Variants in ASXL2 observed in about 807,000 individuals in gnomAD.
The protein encoded by ASXL2 is ASXL transcriptional regulator 2, also known as putative Polycomb group protein ASXL2.
ASXL2 carries 23 observed loss-of-function variants against 122.0 expected under a neutral mutation model. That is an observed-to-expected ratio of 0.19 (90% CI 0.14 to 0.27). The LOEUF (loss-of-function observed/expected upper bound fraction) is 0.27, where lower values mean the gene tolerates loss of function less well. Ranked by LOEUF, ASXL2 falls within the 10% of genes least tolerant of loss-of-function variation. The pLI is 1.00. For missense variants in ASXL2, 1,518 were observed against 1,713.8 expected (o/e 0.89, Z 2.02); for synonymous variants, 650 against 637.0 (o/e 1.02, Z -0.31).
chr2:25,821,212 C>G (rs2089305384), intron 3 of ASXL2, among the ~76,000 whole-genome samples: 1 of 151,748 alleles, frequency 6.6e-6, no homozygotes, highest in African/African-American at 2.4e-5. Flanking sequence ...AAATAAATAG[C>G]CAGGTGTGGT....
rs896325810 is a variant in ASXL2 at position 25,737,309 on chromosome 2, G to A, written c.*4720C>T. 6.6e-6 allele frequency: 1 copy of A among 151,966 alleles called. No individual in the cohort carries two copies. The highest frequency in any genetic ancestry group is 2.4e-5 in the African/African-American group (1 of 41,392). 9.4% of individuals were successfully genotyped at this position (151,966 alleles called of 1,614,324 possible). A position where few individuals can be genotyped will look rare whatever the true frequency, so the allele number is the denominator to read the frequency against. The stretch of plus-strand genomic sequence containing the variant: ...GGTGGCAGTAAATGTCAACCACTGT[G>A]GAGAAAGGAAAACCTATTTTTTCCC... On this transcript the variant is annotated 3_prime_UTR_variant, in exon 13 of 13. Coordinates refer to ENST00000435504, the MANE Select transcript of ASXL2 (RefSeq NM_018263.6).
In ASXL2 at chr2:25,744,857, G is replaced by A. The variant is rs2087913846; in HGVS notation, c.1861-381C>T. 6.6e-6 allele frequency among the ~76,000 whole-genome samples: 1 copy of A among 151,910 alleles called. No homozygotes were observed. The highest frequency in any genetic ancestry group is 1.5e-5 in the Non-Finnish European group (1 of 68,008). ...AAAGAAGAGAAAAGCAAGCAAGCCA[G>A]CCACCCATACCACTACTGTCTTTTA... is the stretch of plus-strand genomic sequence containing the variant. On this transcript the variant is annotated intron_variant, in intron 12 of 12. Transcript: ENST00000435504. The surrounding 1 kb of genome is among the most constrained non-coding windows in gnomAD (Gnocchi z 4.7).
intron 3 of ASXL2, among the ~76,000 whole-genome samples, chr2:25,811,551 G>A (rs576072711): frequency 2.4e-4 from 37 of 151,888 alleles, no homozygotes; most frequent in Non-Finnish European, 5.3e-4. Flanking sequence ...GTGAACAAAT[G>A]ATTCATAAAC....
At chr2:25,844,541 A>C (rs1574444880) in intron 2 of ASXL2, among the ~76,000 whole-genome samples, 1 of 151,438 alleles carries the variant, frequency 6.6e-6, no homozygotes, top group African/African-American at 2.4e-5. Context: ...GTGCCACTGC[A>C]CTCCAGCCTG....
At chr2:25,839,888 C>CTT (rs61637569) in intron 2 of ASXL2, among the ~76,000 whole-genome samples, 244 of 136,484 alleles carry the variant, frequency 1.8e-3, no homozygotes, top group African/African-American at 5.9e-3. Flanking sequence ...ACCATGTTTT[C>CTT]TTTTTTTTTT....
chr2:25,781,959 C>CTTTTTTT lies in ASXL2; in HGVS notation c.404-10420_404-10419insAAAAAAA, dbSNP rs1327580113. 6.1e-3 allele frequency among the ~76,000 whole-genome samples: 540 copies of CTTTTTTT among 88,326 alleles called. 116 individuals are homozygous for CTTTTTTT. Among genetic ancestry groups the CTTTTTTT allele is most frequent in the Middle Eastern group, 0.016 (2 of 124 alleles). The allele number at this position is 88,326 out of a possible 152,430, so 57.9% of individuals were successfully genotyped here. On this transcript the variant is annotated intron_variant, in intron 5 of 12. Coordinates refer to ENST00000435504, the MANE Select transcript of ASXL2 (RefSeq NM_018263.6). ...TAACAGGCGTGAGCCACCGCCCGGG[C>CTTTTTTT]TTTTTTCTTTTTTTTTTTTTTTTTT...
At chr2:25,826,290 T>A (rs1292538795) in intron 3 of ASXL2, among the ~76,000 whole-genome samples, 1 of 152,230 alleles carries the variant, frequency 6.6e-6, no homozygotes, top group Non-Finnish European at 1.5e-5. Flanking sequence ...ATCATTCCAA[T>A]GACAGTTGTT....
chr2:25,824,941 C>CA (rs2089359088), intron 3 of ASXL2, among the ~76,000 whole-genome samples: 1 of 152,184 alleles, frequency 6.6e-6, no homozygotes, highest in Admixed American at 6.5e-5. Context: ...CATCAACTTT[C>CA]AAAGTTAAAA....
At chr2:25,765,472 G>A (rs545171542) in intron 8 of ASXL2, among the ~76,000 whole-genome samples, 240 of 151,206 alleles carry the variant, frequency 1.6e-3, no homozygotes, top group African/African-American at 5.6e-3. Context: ...AACAGAGCGC[G>A]ACTCCCTCTC....
intron 3 of ASXL2, among the ~76,000 whole-genome samples, chr2:25,831,145 C>T (rs916384786): frequency 6.6e-6 from 1 of 151,882 alleles, no homozygotes; most frequent in Non-Finnish European, 1.5e-5. Flanking sequence ...TGCAGTGAAA[C>T]CCTGTCTCTA....
chr2:25,792,476 A>T (rs1054751996), intron 5 of ASXL2, among the ~76,000 whole-genome samples: 1 of 152,250 alleles, frequency 6.6e-6, no homozygotes, highest in Admixed American at 6.5e-5. Context: ...TTGCTTCTAC[A>T]TAAACATATA....
chr2:25,749,688 TC>T lies in ASXL2; in HGVS notation c.1860+7del, dbSNP rs1380082386. 1 of 1,504,244 alleles carries T rather than the reference TC, an allele frequency of 6.6e-7. No individual in the cohort carries two copies. The highest frequency in any genetic ancestry group is 8.9e-7 in the Non-Finnish European group (1 of 1,128,740). The allele number at this position is 1,504,244 out of a possible 1,614,324, so 93.2% of individuals were successfully genotyped here. A position where few individuals can be genotyped will look rare whatever the true frequency, so the allele number is the denominator to read the frequency against. On this transcript the variant is annotated splice_region_variant and intron_variant, in intron 12 of 12. Transcript: ENST00000435504. ...TCTCTGCTTTTCTAATTCTCTCCATTCTCTTACCTTGAGAGGTGGTACTTTT... is the reference window on the plus strand; with the variant it reads ...TCTCTGCTTTTCTAATTCTCTCCATTTCTTACCTTGAGAGGTGGTACTTTT...
chr2:25,753,269 A>G (rs184763431), intron 11 of ASXL2, among the ~76,000 whole-genome samples: 27 of 152,050 alleles, frequency 1.8e-4, no homozygotes, highest in East Asian at 7.8e-4. Context: ...CAGCTAAAAA[A>G]TTTGTTTTTA....
At chr2:25,861,724 A>AT (rs1274292565) in intron 1 of ASXL2, among the ~76,000 whole-genome samples, 1 of 152,222 alleles carries the variant, frequency 6.6e-6, no homozygotes, top group Non-Finnish European at 1.5e-5. Flanking sequence ...TCAGCCACGT[A>AT]TTTTCAACTT....
At chr2:25,766,915 G>C (rs2088363224) in intron 8 of ASXL2, among the ~76,000 whole-genome samples, 1 of 152,088 alleles carries the variant, frequency 6.6e-6, no homozygotes. Flanking sequence ...CTTCTCTTCT[G>C]TAATACATTG....
chr2:25,751,997 C>T (rs925537560), intron 11 of ASXL2, among the ~76,000 whole-genome samples: 3 of 152,100 alleles, frequency 2.0e-5, no homozygotes, highest in South Asian at 4.1e-4. Flanking sequence ...GTCTCGAATT[C>T]CTGGGCTCAA....
intron 1 of ASXL2, among the ~76,000 whole-genome samples, chr2:25,873,061 AAT>A (rs2089975522): frequency 6.6e-6 from 1 of 152,002 alleles, no homozygotes; most frequent in Admixed American, 6.6e-5. Context: ...CACTGTACCC[AAT>A]GTGTAGTCTT....
intron 3 of ASXL2, among the ~76,000 whole-genome samples, chr2:25,813,292 T>A (rs1255400320): frequency 6.6e-6 from 1 of 152,226 alleles, no homozygotes. Context: ...CCACAGTCCC[T>A]GATCTAAAAC....
intron 9 of ASXL2, among the ~76,000 whole-genome samples, chr2:25,758,680 G>GTTT (rs369670596): frequency 3.0e-4 from 40 of 133,916 alleles, no homozygotes; most frequent in Admixed American, 6.0e-4. Context: ...TGCTACTTTT[G>GTTT]TTTTTTTTTT....
Sources: allele counts gnomAD v4.1 joint callset (sites outside exome capture counted in the v4.1 genomes callset), GRCh38; gene constraint gnomAD v4.1.1; non-coding constraint Gnocchi (gnomAD v3.1); transcripts MANE v1.5; gene names NCBI Gene and HGNC (gene_info 2026-07-23, HGNC 2026-07-21).